Variants in COL24A1 observed in about 807,000 individuals in gnomAD.
The protein encoded by COL24A1 is collagen type XXIV alpha 1 chain.
Under a neutral mutation model 253.9 loss-of-function variants are expected in COL24A1, and 224 were observed. The observed-to-expected ratio is 0.88, with a 90% CI of 0.79 to 0.99. The LOEUF is 0.99. Among genes scored for constraint, COL24A1 ranks in the 50% least tolerant of loss-of-function variants. The pLI is 0.00. For synonymous variants in COL24A1, 685 were observed against 673.7 expected (o/e 1.02, Z -0.26); for missense variants, 2,131 against 2,068.5 (o/e 1.03, Z -0.59).
At chr1:85,787,304 A>G (rs539990701) in intron 47 of COL24A1, among the ~76,000 whole-genome samples, 9 of 151,960 alleles carry the variant, frequency 5.9e-5, no homozygotes, top group Non-Finnish European at 1.3e-4. Flanking sequence ...CTATCAACCC[A>G]TCACCTAGGT....
intron 24 of COL24A1, among the ~76,000 whole-genome samples, chr1:85,930,178 G>C (rs1288680335): frequency 1.8e-5 from 1 of 54,140 alleles, no homozygotes; most frequent in African/African-American, 8.5e-5. Context: ...AAAATTGATA[G>C]ACTGCTAGCA....
chr1:85,775,872 A>C (rs1186692663), intron 52 of COL24A1, among the ~76,000 whole-genome samples, 163 bp from the exon 53 acceptor site: 1 of 152,136 alleles, frequency 6.6e-6, no homozygotes, highest in Non-Finnish European at 1.5e-5. Flanking sequence ...TCTTTTCCTA[A>C]ATAAAGCAAA....
At chr1:85,879,783 G>A (rs529974996) in intron 32 of COL24A1, among the ~76,000 whole-genome samples, 67 of 152,316 alleles carry the variant, frequency 4.4e-4, no homozygotes, top group African/African-American at 1.6e-3. Flanking sequence ...GGAGGTGGAA[G>A]AAGGGAAGGG....
In COL24A1 at chr1:85,830,432, A is replaced by T. The variant is rs562994957; in HGVS notation, c.3682-6694T>A. On this transcript the variant is annotated intron_variant, in intron 43 of 59. Coordinates refer to ENST00000370571, the MANE Select transcript of COL24A1 (RefSeq NM_152890.7). ...CTACAGAGGCAGGCAGGCCTCCTTGAGCTGTGGTGGGCTCCACCCAGTTTG... is the reference window on the plus strand; with the variant it reads ...CTACAGAGGCAGGCAGGCCTCCTTGTGCTGTGGTGGGCTCCACCCAGTTTG... Among the ~76,000 whole-genome samples the T allele has an allele frequency of 9.2e-5, 14 of 152,150 alleles. No individual in the cohort carries two copies. In the South Asian group the frequency reaches 2.9e-3, roughly 32 times the overall value.
chr1:85,837,041 G>A (rs914550703), intron 43 of COL24A1, among the ~76,000 whole-genome samples: 4 of 152,160 alleles, frequency 2.6e-5, no homozygotes, highest in Admixed American at 2.6e-4. Context: ...TGGTTTTCCC[G>A]AGACTGTGTG....
chr1:85,791,685 T>C (rs1376085751), intron 47 of COL24A1, among the ~76,000 whole-genome samples: 1 of 152,098 alleles, frequency 6.6e-6, no homozygotes, highest in Non-Finnish European at 1.5e-5. Flanking sequence ...TCAATGAAAA[T>C]CATACGCTCA....
At chr1:85,986,830 C>T (rs1402091517) in intron 20 of COL24A1, among the ~76,000 whole-genome samples, 1 of 151,832 alleles carries the variant, frequency 6.6e-6, no homozygotes, top group Non-Finnish European at 1.5e-5. Context: ...ATAGCAGCTA[C>T]ATTTCATAAC....
chr1:85,993,354 C>G (rs767227730), intron 19 of COL24A1, among the ~76,000 whole-genome samples: 7 of 151,664 alleles, frequency 4.6e-5, no homozygotes, highest in Non-Finnish European at 8.8e-5. Flanking sequence ...TATACACAAA[C>G]TAATTACAAT....
chr1:86,001,744 G>A (rs1200983797), intron 19 of COL24A1, among the ~76,000 whole-genome samples: 1 of 152,026 alleles, frequency 6.6e-6, no homozygotes. Flanking sequence ...CATGCCCAAG[G>A]GAGGAAATAT....
At chr1:85,994,712 A>G (rs1055654374) in intron 19 of COL24A1, among the ~76,000 whole-genome samples, 1 of 152,214 alleles carries the variant, frequency 6.6e-6, no homozygotes, top group Non-Finnish European at 1.5e-5. Context: ...CAAAAGGCAA[A>G]TGTAATAAAT....
intron 31 of COL24A1, among the ~76,000 whole-genome samples, chr1:85,889,943 C>A (rs557855096): frequency 2.0e-5 from 3 of 152,154 alleles, no homozygotes; most frequent in African/African-American, 7.2e-5. Context: ...AACCACCATT[C>A]TATTTTCTGT....
intron 5 of COL24A1, among the ~76,000 whole-genome samples, chr1:86,111,532 G>T (rs114698398): frequency 6.6e-6 from 1 of 151,988 alleles, no homozygotes; most frequent in Non-Finnish European, 1.5e-5. Flanking sequence ...AAAACAGAGC[G>T]ATCAGCTCTC....
At chr1:85,840,036 A>G (rs945988806) in intron 42 of COL24A1, among the ~76,000 whole-genome samples, 1 of 152,200 alleles carries the variant, frequency 6.6e-6, no homozygotes, top group African/African-American at 2.4e-5. Context: ...AAGGTAAGAG[A>G]CATGTCAACA....
chr1:85,885,393 A>ATTT (rs202227831), intron 32 of COL24A1, among the ~76,000 whole-genome samples: 1 of 116,464 alleles, frequency 8.6e-6, no homozygotes, highest in African/African-American at 3.3e-5. Context: ...ATATATATAT[A>ATTT]TATATTTTTT....
chr1:85,962,647 T>C (rs1427489222), intron 23 of COL24A1, among the ~76,000 whole-genome samples: 1 of 152,156 alleles, frequency 6.6e-6, no homozygotes, highest in Non-Finnish European at 1.5e-5. Flanking sequence ...TTTTTAGTGG[T>C]GAGGAATGGC....
At position 86,022,674 on chromosome 1, in the gene COL24A1, G is replaced by A. The variant is rs1038996273; in HGVS notation, c.2149-83C>T. On this transcript the variant is annotated intron_variant, in intron 16 of 59. Transcript: ENST00000370571. ...AAGAAAGCAAATATTCATTGTAGAA[G>A]AATAATTTCTCTATTTTTCTTACTT... 57 of 1,421,146 alleles carry A rather than the reference G, an allele frequency of 4.0e-5. No homozygotes were observed. The South Asian group carries it at 5.4e-4, about 14-fold the overall frequency. 88.0% of individuals were successfully genotyped at this position (1,421,146 alleles called of 1,614,324 possible). A position where few individuals can be genotyped will look rare whatever the true frequency, so the allele number is the denominator to read the frequency against.
At chr1:86,137,544 G>A (rs12562271) in intron 2 of COL24A1, among the ~76,000 whole-genome samples, 2,235 of 152,236 alleles carry the variant, frequency 0.015, 30 homozygotes, top group Middle Eastern at 0.044. Context: ...GTGAAATTTA[G>A]GAAAGGTTTG....
chr1:85,766,116 A>G (rs1429070163), intron 53 of COL24A1, among the ~76,000 whole-genome samples: 1 of 152,066 alleles, frequency 6.6e-6, no homozygotes, highest in Admixed American at 6.6e-5. Context: ...CTCTAATCCC[A>G]GCACTTTGGG....
intron 24 of COL24A1, among the ~76,000 whole-genome samples, chr1:85,922,462 C>T (rs995751359): frequency 1.9e-4 from 29 of 152,154 alleles, no homozygotes; most frequent in African/African-American, 4.8e-4. Flanking sequence ...AGACTAATAG[C>T]GGATCTCTTG....
Sources: allele counts gnomAD v4.1 joint callset (sites outside exome capture counted in the v4.1 genomes callset), GRCh38; gene constraint gnomAD v4.1.1; transcripts MANE v1.5; gene names NCBI Gene and HGNC (gene_info 2026-07-23, HGNC 2026-07-21).